Variants in ACSL5 observed in about 807,000 individuals in gnomAD.
ACSL5 encodes long-chain-fatty-acid--CoA ligase 5.
In ACSL5, 50 loss-of-function variants were observed where a neutral mutation model predicts 84.9. The ratio of observed to expected loss-of-function variants is 0.59; its 90% CI spans 0.47 to 0.75. The LOEUF is 0.75. Among genes scored for constraint, ACSL5 ranks in the 30% least tolerant of loss-of-function variants. The pLI, the probability that ACSL5 is intolerant of heterozygous loss-of-function variation, is 0.00. For synonymous variants in ACSL5, 280 were observed against 300.7 expected, an observed-to-expected ratio of 0.93 and a Z score of 0.71; for missense variants, 775 against 830.4, an observed-to-expected ratio of 0.93 and a Z score of 0.82.
chr10:112,382,758 A>G (rs1849375494), intron 1 of ACSL5, among the ~76,000 whole-genome samples: 1 of 152,232 alleles, frequency 6.6e-6, no homozygotes, highest in Non-Finnish European at 1.5e-5. Context: ...GCTGTCTTAC[A>G]CATTGGGACT....
At chr10:112,386,754 C>T (rs1849462257) in intron 1 of ACSL5, among the ~76,000 whole-genome samples, 1 of 152,146 alleles carries the variant, frequency 6.6e-6, no homozygotes, top group South Asian at 2.1e-4. Context: ...TTCTTAGGTA[C>T]TTCAGATCTA....
intron 18 of ACSL5, 45 bp downstream of exon 18, chr10:112,425,526 G>A: frequency 6.7e-7 from 1 of 1,485,776 alleles, no homozygotes; most frequent in Non-Finnish European, 9.0e-7. Flanking sequence ...CACAAACCAT[G>A]CTGGTTCTTG....
intron 1 of ACSL5, chr10:112,376,464 A>C: frequency 1.9e-6 from 3 of 1,613,930 alleles, no homozygotes; most frequent in Non-Finnish European, 2.5e-6. Context: ...GGGACCATCG[A>C]GGGGGTGTTA....
intron 1 of ACSL5, among the ~76,000 whole-genome samples, chr10:112,384,530 CAG>C (rs1455035794): frequency 6.6e-6 from 1 of 152,104 alleles, no homozygotes; most frequent in East Asian, 1.9e-4. Context: ...GTTTTTGAGA[CAG>C]AGTCTTGCTC....
intron 3 of ACSL5, among the ~76,000 whole-genome samples, 178 bp downstream of exon 3, chr10:112,399,187 G>T (rs940650342): frequency 1.3e-5 from 2 of 152,214 alleles, no homozygotes; most frequent in Non-Finnish European, 2.9e-5. Context: ...GTTGGAACCA[G>T]TGTCAGACGG....
At chr10:112,410,526 T>C in intron 8 of ACSL5, 31 bp downstream of exon 8, 1 of 1,614,160 alleles carries the variant, frequency 6.2e-7, no homozygotes, top group Non-Finnish European at 8.5e-7. Flanking sequence ...ATTTGAGCCT[T>C]GCCATAGTCA....
rs765530212 is a variant in ACSL5 at position 112,380,082 on chromosome 10, G to A, written c.-30+5813G>A. On this transcript the variant is annotated intron_variant, in intron 1 of 20. Transcript: ENST00000354655. ...ATATACTTGGTCAGCAGCAGGCCTG[G>A]GATGCCCTTTGGGGGTGTTACTGAC... 3.4e-4 allele frequency among the ~76,000 whole-genome samples: 52 copies of A among 152,198 alleles called. No individual in the cohort carries two copies. The Middle Eastern group carries it at 0.014, about 40-fold the overall frequency.
intron 12 of ACSL5, 86 bp downstream of exon 12, chr10:112,413,393 A>C (rs1589693019): frequency 6.8e-7 from 1 of 1,461,152 alleles, no homozygotes; most frequent in South Asian, 1.2e-5. Flanking sequence ...CTCCACCTCT[A>C]CCTCCACCCT....
Position 112,376,433 on chromosome 10 carries a change from G to T in ACSL5, c.-30+2164G>T, listed in dbSNP as rs139217888. 236 of 1,614,158 alleles carry T rather than the reference G, an allele frequency of 1.5e-4. No homozygotes were observed. In the African/African-American group the frequency reaches 2.9e-3, roughly 20 times the overall value. On this transcript the variant is annotated intron_variant, in intron 1 of 20. Transcript: ENST00000354655. The stretch of plus-strand genomic sequence containing the variant: ...CCATTCACTAGAAGCACTGAGAGAT[G>T]CGGCCCCCTCGCAGGGTAAGGGGAC...
intron 3 of ACSL5, among the ~76,000 whole-genome samples, chr10:112,401,255 C>G (rs1165659307): frequency 6.6e-6 from 1 of 152,166 alleles, no homozygotes; most frequent in Non-Finnish European, 1.5e-5. Context: ...CTGGTCCTAT[C>G]TGGGGTTGCA....
chr10:112,421,070 A>G (rs1175904432), intron 14 of ACSL5, among the ~76,000 whole-genome samples: 2 of 151,854 alleles, frequency 1.3e-5, no homozygotes, highest in Non-Finnish European at 2.9e-5. Flanking sequence ...CTATTTCCAG[A>G]CCCTTTTGGT....
chr10:112,386,655 C>T (rs1849459891), intron 1 of ACSL5, among the ~76,000 whole-genome samples: 1 of 152,062 alleles, frequency 6.6e-6, no homozygotes, highest in Admixed American at 6.5e-5. Flanking sequence ...CCTAAGAAAG[C>T]CTTCATTAGG....
At position 112,409,427 on chromosome 10, in the gene ACSL5, T is replaced by A. The variant is rs550504366; in HGVS notation, c.533-80T>A. 82 of 1,402,918 alleles carry A rather than the reference T, an allele frequency of 5.8e-5. No homozygotes were observed. The Admixed American group carries it at 1.5e-3, about 25-fold the overall frequency. 86.9% of individuals were successfully genotyped at this position (1,402,918 alleles called of 1,614,324 possible). ...GACACCTGTTAGCTTTGAAAACTTT[T>A]AAAACCTCTTCCTTCTTGCAAGGCA... On this transcript the variant is annotated intron_variant, in intron 6 of 20. Transcript: ENST00000354655.
chr10:112,385,909 C>T (rs896636458), intron 1 of ACSL5, among the ~76,000 whole-genome samples: 1 of 152,120 alleles, frequency 6.6e-6, no homozygotes, highest in Non-Finnish European at 1.5e-5. Flanking sequence ...CTTTTTCACC[C>T]CAACCATTCT....
At chr10:112,409,894 T>C (rs970349618) in intron 7 of ACSL5, among the ~76,000 whole-genome samples, 2 of 152,194 alleles carry the variant, frequency 1.3e-5, no homozygotes, top group Non-Finnish European at 1.5e-5. Context: ...TGTGGCCAGC[T>C]GTATGGACTT....
intron 12 of ACSL5, among the ~76,000 whole-genome samples, chr10:112,415,981 T>C (rs372911741): frequency 6.6e-6 from 1 of 152,208 alleles, no homozygotes. Context: ...AGGGAAATCA[T>C]GCGAGCTGGA....
chr10:112,401,760 CTTTCTTTCTTTCTT>C (rs1268453539), intron 3 of ACSL5, among the ~76,000 whole-genome samples: 1 of 151,642 alleles, frequency 6.6e-6, no homozygotes, highest in African/African-American at 2.4e-5. Context: ...TCTCTCTCTC[CTTTCTTTCTTTCTT>C]TTTCTTTCTT....
intron 1 of ACSL5, 84 bp from the exon 2 acceptor site, chr10:112,394,834 G>A: frequency 6.4e-7 from 1 of 1,552,414 alleles, no homozygotes; most frequent in South Asian, 1.2e-5. Flanking sequence ...GTGTGTGTGT[G>A]TGTCCTTCTG....
chr10:112,417,695 T>C, intron 13 of ACSL5, 151 bp from the exon 14 acceptor site: 1 of 666,958 alleles, frequency 1.5e-6, no homozygotes, highest in Non-Finnish European at 2.7e-6. Context: ...CAATCCAGAC[T>C]GTATTCTAAG....
Sources: gnomAD v4.1 joint callset for allele counts (sites outside exome capture counted in the v4.1 genomes callset) on GRCh38, gnomAD v4.1.1 for gene constraint, MANE v1.5 for transcripts, NCBI Gene and HGNC (gene_info 2026-07-23, HGNC 2026-07-21) for gene names.